Variants in ABCB5 observed in about 807,000 individuals in gnomAD.
ABCB5 encodes ATP-binding cassette sub-family B member 5.
Under a neutral mutation model 144.2 loss-of-function variants are expected in ABCB5, and 155 were observed. The observed-to-expected ratio is 1.08, with a 90% CI of 0.94 to 1.23. ABCB5 has a LOEUF of 1.23. Among genes scored for constraint, ABCB5 ranks in the 50% most tolerant of loss-of-function variants. The probability of loss-of-function intolerance (pLI) is 0.00; values close to 1 mark genes in which losing one functional copy is unlikely to be tolerated. For synonymous variants in ABCB5, 610 were observed against 528.6 expected, an observed-to-expected ratio of 1.15 and a Z score of -2.11; for missense variants, 1,830 against 1,520.8, an observed-to-expected ratio of 1.20 and a Z score of -3.38.
intron 14 of ABCB5, 59 bp downstream of exon 14, chr7:20,658,735 A>G: frequency 5.1e-6 from 8 of 1,575,354 alleles, no homozygotes; most frequent in East Asian, 2.2e-5. Context: ...GTTTTGAAGT[A>G]CAAGAAAGTA....
chr7:20,626,533 G>T, intron 2 of ABCB5, 24 bp from the exon 3 acceptor site: 1 of 1,593,706 alleles, frequency 6.3e-7, no homozygotes, highest in Non-Finnish European at 8.6e-7. Context: ...TGTAACTGCT[G>T]CATTTTGAAC....
intron 20 of ABCB5, among the ~76,000 whole-genome samples, chr7:20,711,530 C>T (rs1787032479): frequency 6.8e-6 from 1 of 146,798 alleles, no homozygotes; most frequent in Non-Finnish European, 1.5e-5. Flanking sequence ...GGTGTGATCA[C>T]TACTCATTGC....
intron 20 of ABCB5, among the ~76,000 whole-genome samples, chr7:20,717,110 C>A (rs1781698369): frequency 6.6e-6 from 1 of 152,152 alleles, no homozygotes; most frequent in Admixed American, 6.6e-5. Context: ...CATGGAAGGC[C>A]TCCAACAATG....
At chr7:20,697,947 A>C (rs1040020884) in intron 16 of ABCB5, among the ~76,000 whole-genome samples, 1 of 152,218 alleles carries the variant, frequency 6.6e-6, no homozygotes, top group Non-Finnish European at 1.5e-5. Context: ...TGTTTTTGTA[A>C]ATACATCTTG....
Position 20,643,257 on chromosome 7 carries a change from A to G in ABCB5, c.388A>G (p.Ile130Val). 1 of 1,613,838 alleles carries G rather than the reference A, an allele frequency of 6.2e-7. No homozygotes were observed. Among genetic ancestry groups the G allele is most frequent in the Non-Finnish European group, 8.5e-7 (1 of 1,179,804 alleles). ...FGYIQISLWI[I>V]TAARQTKRIR... ...TTACATACAGATTTCCTTGTGGATTATAACTGCAGCACGACAGACCAAGAG... is the reference window on the plus strand; with the variant it reads ...TTACATACAGATTTCCTTGTGGATTGTAACTGCAGCACGACAGACCAAGAG... Residue 130 changes from isoleucine to valine, a missense_variant, in exon 6 of 28, where the codon ATA becomes GTA. By Grantham distance (29) the Ile-to-Val change is conservative (BLOSUM62 3). Coordinates refer to ENST00000404938, the MANE Select transcript of ABCB5 (RefSeq NM_001163941.2).
At chr7:20,650,828 G>T (rs1784560428) in intron 12 of ABCB5, among the ~76,000 whole-genome samples, 1 of 152,148 alleles carries the variant, frequency 6.6e-6, no homozygotes, top group African/African-American at 2.4e-5. Context: ...GTATAAAAGA[G>T]TTGCATAGAA....
intron 1 of ABCB5, among the ~76,000 whole-genome samples, chr7:20,616,386 T>C (rs1335261948): frequency 1.3e-5 from 2 of 152,212 alleles, no homozygotes; most frequent in African/African-American, 2.4e-5. Context: ...CCAACCAGTA[T>C]ATCTTAGCTA....
intron 16 of ABCB5, among the ~76,000 whole-genome samples, chr7:20,688,082 A>T (rs1347664531): frequency 6.6e-6 from 1 of 151,950 alleles, no homozygotes; most frequent in East Asian, 1.9e-4. Flanking sequence ...AATCCTAGCT[A>T]CTCGGGAGGC....
intron 24 of ABCB5, 126 bp downstream of exon 24, chr7:20,739,265 A>C (rs1782488277): frequency 1.1e-6 from 1 of 918,594 alleles, no homozygotes; most frequent in Non-Finnish European, 1.5e-6. Flanking sequence ...TATACTCAGT[A>C]CCTGTGTGAC....
intron 16 of ABCB5, among the ~76,000 whole-genome samples, chr7:20,691,502 A>C (rs1786228629): frequency 6.6e-6 from 1 of 151,936 alleles, no homozygotes; most frequent in Admixed American, 6.6e-5. Context: ...AAAAGATTAA[A>C]AGGAGCAATT....
intron 24 of ABCB5, 123 bp from the exon 25 acceptor site, chr7:20,742,754 T>A (rs1782600769): frequency 1.0e-5 from 9 of 877,920 alleles, no homozygotes; most frequent in African/African-American, 1.7e-5. Flanking sequence ...GATGCATACA[T>A]GTTTAAAATT....
intron 14 of ABCB5, among the ~76,000 whole-genome samples, chr7:20,661,258 G>A (rs2390348): frequency 6.6e-6 from 1 of 152,008 alleles, no homozygotes; most frequent in Admixed American, 6.5e-5. Context: ...CCTACCATTC[G>A]CCCCAACAAT....
At chr7:20,661,884 A>G (rs1347967307) in intron 14 of ABCB5, among the ~76,000 whole-genome samples, 1 of 151,992 alleles carries the variant, frequency 6.6e-6, no homozygotes. Flanking sequence ...ACTACAAACT[A>G]GTTTTGTTTC....
At chr7:20,716,886 C>T (rs1434439594) in intron 20 of ABCB5, among the ~76,000 whole-genome samples, 3 of 152,068 alleles carry the variant, frequency 2.0e-5, no homozygotes, top group South Asian at 4.2e-4. Context: ...TAAAGCGTGC[C>T]GAACCCCAGC....
At position 20,756,927 on chromosome 7, in the gene ABCB5, T is replaced by C. The variant is rs1028517722; in HGVS notation, c.*1303T>C. The C allele has an allele frequency of 1.3e-5, 2 of 152,356 alleles. No individual in the cohort carries two copies. Among genetic ancestry groups the C allele is most frequent in the African/African-American group, 2.4e-5 (1 of 41,450 alleles). The allele number at this position is 152,356 out of a possible 1,614,324, so 9.4% of individuals were successfully genotyped here. A position where few individuals can be genotyped will look rare whatever the true frequency, so the allele number is the denominator to read the frequency against. On this transcript the variant is annotated 3_prime_UTR_variant, in exon 28 of 28. Coordinates refer to ENST00000404938, the MANE Select transcript of ABCB5 (RefSeq NM_001163941.2). ...AAGTGTACTCTACCAATAATTGAAA[T>C]CTTGTTAAACAAAATTAAAACCATT...
chr7:20,674,049 C>T (rs1785530885), intron 14 of ABCB5, among the ~76,000 whole-genome samples: 1 of 151,848 alleles, frequency 6.6e-6, no homozygotes, highest in Admixed American at 6.5e-5. Context: ...AGCATACTTC[C>T]ATTTCTCCCT....
chr7:20,716,755 G>A (rs1368312529), intron 20 of ABCB5, among the ~76,000 whole-genome samples: 1 of 152,190 alleles, frequency 6.6e-6, no homozygotes, highest in East Asian at 1.9e-4. Context: ...TTTGAAAACA[G>A]GAGCCCTTGT....
At position 20,645,685 on chromosome 7, in the gene ABCB5, C is replaced by T. The variant is rs989516903; in HGVS notation, c.679-71C>T. ...TAGTCTACTTAGAATTCAAATTCTGCCTGACTTAAATGTTCAGAACATTAT... is the reference window on the plus strand; with the variant it reads ...TAGTCTACTTAGAATTCAAATTCTGTCTGACTTAAATGTTCAGAACATTAT... On this transcript the variant is annotated intron_variant, in intron 7 of 27. Coordinates refer to ENST00000404938, the MANE Select transcript of ABCB5 (RefSeq NM_001163941.2). The T allele has an allele frequency of 4.6e-5, 70 of 1,534,210 alleles. 1 individual carries two copies. Among genetic ancestry groups the T allele is most frequent in the Non-Finnish European group, 5.8e-5 (66 of 1,132,568 alleles).
chr7:20,667,350 G>A, intron 14 of ABCB5: 2 of 985,006 alleles, frequency 2.0e-6, no homozygotes, highest in Non-Finnish European at 2.4e-6. Flanking sequence ...CCCCTGTGAA[G>A]AAAAGAAGGT....
Sources: allele counts gnomAD v4.1 joint callset (sites outside exome capture counted in the v4.1 genomes callset), GRCh38; gene constraint gnomAD v4.1.1; transcripts MANE v1.5; gene names NCBI Gene and HGNC (gene_info 2026-07-23, HGNC 2026-07-21).